Variants in SGO2 observed in about 807,000 individuals in gnomAD.
The protein encoded by SGO2 is shugoshin 2, also known as shugoshin-like 2.
In SGO2, 68 loss-of-function variants were observed where a neutral mutation model predicts 99.5. That is an observed-to-expected ratio of 0.68 (90% confidence interval 0.56 to 0.84). The LOEUF is 0.84. Among genes scored for constraint, SGO2 ranks in the 40% least tolerant of loss-of-function variants. The probability of loss-of-function intolerance (pLI) is 0.00; values close to 1 mark genes in which losing one functional copy is unlikely to be tolerated. For synonymous variants in SGO2, 457 were observed against 487.1 expected (o/e 0.94, Z 0.81); for missense variants, 1,350 against 1,436.7 (o/e 0.94, Z 0.97).
chr2:200,552,431 A>C (rs2032530218), intron 5 of SGO2, among the ~76,000 whole-genome samples: 1 of 152,180 alleles, frequency 6.6e-6, no homozygotes, highest in African/African-American at 2.4e-5. Flanking sequence ...TAAGGAATAA[A>C]GAATGGCTAC....
intron 5 of SGO2, among the ~76,000 whole-genome samples, chr2:200,565,926 G>A (rs977778572): frequency 6.6e-6 from 1 of 152,114 alleles, no homozygotes; most frequent in Non-Finnish European, 1.5e-5. Context: ...GGTCATTTAA[G>A]GTCTTCTCTA....
intron 5 of SGO2, among the ~76,000 whole-genome samples, chr2:200,557,820 T>C (rs978254335): frequency 6.6e-6 from 1 of 151,744 alleles, no homozygotes; most frequent in African/African-American, 2.4e-5. Flanking sequence ...GTTTGTTTTG[T>C]CCAGGTTTTG....
At chr2:200,575,183 T>G (rs918898442) in intron 7 of SGO2, 128 bp from the exon 8 acceptor site, 4 of 490,668 alleles carry the variant, frequency 8.2e-6, no homozygotes, top group Admixed American at 4.0e-5. Flanking sequence ...TGTTAGTCTC[T>G]TTCCTCTCAA....
chr2:200,560,160 T>C (rs188516890), intron 5 of SGO2, among the ~76,000 whole-genome samples: 2 of 152,320 alleles, frequency 1.3e-5, no homozygotes, highest in Non-Finnish European at 2.9e-5. Context: ...TATGAATTCA[T>C]CTGTTTCTCC....
At chr2:200,536,171 T>A (rs1319031047) in intron 4 of SGO2, 29 bp downstream of exon 4, 2 of 1,370,250 alleles carry the variant, frequency 1.5e-6, no homozygotes. Context: ...TAAATAGTGT[T>A]GTTCTTTAGA....
rs1158356796 is a variant in SGO2, at chr2:200,573,879, T to G, written c.3533T>G (p.Leu1178Trp). 3 of 1,613,202 alleles carry G rather than the reference T, an allele frequency of 1.9e-6. No homozygotes were observed. Among genetic ancestry groups the G allele is most frequent in the Non-Finnish European group, 2.5e-6 (3 of 1,179,492 alleles). The change falls in exon 7 of 9, where the codon TTG becomes TGG. Residue 1178 changes from leucine to tryptophan, a missense_variant. Coordinates refer to ENST00000357799, the MANE Select transcript of SGO2 (RefSeq NM_152524.6). ...KNVIIKENFALECSPAFQVSD... is the reference protein window; with the variant it reads ...KNVIIKENFAWECSPAFQVSD... The stretch of plus-strand genomic sequence containing the variant: ...GTGATAATAAAAGAAAATTTTGCCT[T>G]GGAGTGCTCCCCAGCCTTTCAAGTA...
intron 5 of SGO2, among the ~76,000 whole-genome samples, chr2:200,548,499 G>A (rs774791998): frequency 7.9e-5 from 12 of 152,040 alleles, no homozygotes; most frequent in African/African-American, 1.2e-4. Context: ...CAATAAATGC[G>A]TATATCAAAA....
intron 1 of SGO2, 70 bp from the exon 2 acceptor site, chr2:200,532,904 A>T: frequency 7.0e-7 from 1 of 1,424,546 alleles, no homozygotes; most frequent in African/African-American, 1.5e-5. Flanking sequence ...GTTACTTTTT[A>T]AAATGTATTT....
intron 4 of SGO2, among the ~76,000 whole-genome samples, chr2:200,542,002 A>C (rs1387202272): frequency 1.3e-5 from 2 of 151,862 alleles, no homozygotes; most frequent in African/African-American, 2.4e-5. Context: ...GGTCTTCTGC[A>C]TTTTCATATG....
At chr2:200,544,696 T>G (rs77392993) in intron 5 of SGO2, among the ~76,000 whole-genome samples, 1,732 of 95,444 alleles carry the variant, frequency 0.018, 14 homozygotes, top group South Asian at 0.053. Flanking sequence ...TTGGGAGATC[T>G]ATCTATCTAT....
At chr2:200,538,989 G>T (rs1384697190) in intron 4 of SGO2, among the ~76,000 whole-genome samples, 1 of 151,774 alleles carries the variant, frequency 6.6e-6, no homozygotes, top group Non-Finnish European at 1.5e-5. Flanking sequence ...CAGTCTTTAG[G>T]CATTGATAAA....
intron 8 of SGO2, among the ~76,000 whole-genome samples, chr2:200,583,233 TTTTC>T (rs2033897373): frequency 6.6e-6 from 1 of 152,200 alleles, no homozygotes. Context: ...GTTGATTAAT[TTTTC>T]TTAAATATTT....
chr2:200,555,494 C>T (rs1328508342), intron 5 of SGO2, among the ~76,000 whole-genome samples: 1 of 152,088 alleles, frequency 6.6e-6, no homozygotes, highest in Non-Finnish European at 1.5e-5. Flanking sequence ...CGGAACAAGA[C>T]AGTACAATGA....
chr2:200,555,107 C>G (rs72927906), intron 5 of SGO2, among the ~76,000 whole-genome samples: 16,626 of 152,188 alleles, frequency 0.11, 1,096 homozygotes, highest in Non-Finnish European at 0.15. Flanking sequence ...ATTCTTCAAC[C>G]CTCTCAACAA....
chr2:200,537,235 A>G (rs1034101452), intron 4 of SGO2, among the ~76,000 whole-genome samples: 3 of 151,958 alleles, frequency 2.0e-5, no homozygotes. Context: ...TGCATCATTA[A>G]TTTTTTCCCT....
intron 4 of SGO2, among the ~76,000 whole-genome samples, chr2:200,538,320 A>G (rs186987604): frequency 1.0e-3 from 152 of 152,308 alleles, no homozygotes; most frequent in African/African-American, 3.5e-3. Flanking sequence ...AGCTGCTACC[A>G]TAGTGCCTTT....
rs985550877 is a variant in SGO2 at position 200,526,920 on chromosome 2, A to G, written c.-3+668A>G. 6.6e-6 allele frequency among the ~76,000 whole-genome samples: 1 copy of G among 152,196 alleles called. No homozygotes were observed. The highest frequency in any genetic ancestry group is 1.5e-5 in the Non-Finnish European group (1 of 68,020). ...TACCAGGTCCCGTACTAGACACTGT[A>G]CATACATTGGCTCATTTAGTCCCTA... On this transcript the variant is annotated intron_variant, in intron 1 of 8. Transcript: ENST00000357799. This position sits in a 1 kb window ranked among gnomAD's most constrained non-coding sequence, Gnocchi z 4.8.
In SGO2 at chr2:200,572,856, A is replaced by G; in HGVS notation, c.2510A>G (p.Glu837Gly). ...ENDNKGVHDL[E>G]KDNFFSLTPK... ...GATAACAAAGGTGTACATGACCTAGAAAAAGATAACTTCTTCTCTCTAACC... is the reference window on the plus strand; with the variant it reads ...GATAACAAAGGTGTACATGACCTAGGAAAAGATAACTTCTTCTCTCTAACC... The change falls in exon 7 of 9, where the codon GAA becomes GGA. Residue 837 changes from glutamate to glycine, a missense_variant. Coordinates refer to ENST00000357799, the MANE Select transcript of SGO2 (RefSeq NM_152524.6). 6.3e-7 allele frequency: 1 copy of G among 1,597,314 alleles called. No individual in the cohort carries two copies. The highest frequency in any genetic ancestry group is 8.5e-7 in the Non-Finnish European group (1 of 1,175,336).
intron 5 of SGO2, among the ~76,000 whole-genome samples, chr2:200,560,173 T>C (rs2032885329): frequency 3.9e-5 from 6 of 152,180 alleles, no homozygotes; most frequent in Admixed American, 3.9e-4. Flanking sequence ...GTTTCTCCTT[T>C]TAGTTTTGTC....
Sources: allele counts gnomAD v4.1 joint callset (sites outside exome capture counted in the v4.1 genomes callset), GRCh38; gene constraint gnomAD v4.1.1; non-coding constraint Gnocchi (gnomAD v3.1); transcripts MANE v1.5; gene names NCBI Gene and HGNC (gene_info 2026-07-23, HGNC 2026-07-21).